The following ZNF791 variants were observed in gnomAD, a reference collection of about 807,000 sequenced individuals.
The protein encoded by ZNF791 is zinc finger protein 791.
In ZNF791, 4 loss-of-function variants were observed where a neutral mutation model predicts 11.5. That is an observed-to-expected ratio of 0.35 (90% confidence interval 0.17 to 0.80). The LOEUF (loss-of-function observed/expected upper bound fraction) is 0.80. Among genes scored for constraint, ZNF791 ranks in the 30% least tolerant of loss-of-function variants. The pLI is 0.53. For missense variants in ZNF791, 559 were observed against 699.4 expected (o/e 0.80, Z 2.26); for synonymous variants, 212 against 228.1 (o/e 0.93, Z 0.64).
chr19:12,622,216 G>A (rs1328560437), intron 1 of ZNF791, among the ~76,000 whole-genome samples: 4 of 137,808 alleles, frequency 2.9e-5, no homozygotes, highest in Non-Finnish European at 4.8e-5. Flanking sequence ...CAAACACTGC[G>A]GAAGGCCGCA....
Position 12,631,849 on chromosome 19 carries a change from G to C in ZNF791, c.*2589G>C, listed in dbSNP as rs1000966271. 1 of 152,154 alleles carries C rather than the reference G, an allele frequency of 6.6e-6. No individual in the cohort carries two copies. The highest frequency in any genetic ancestry group is 1.5e-5 in the Non-Finnish European group (1 of 68,028). 9.4% of individuals were successfully genotyped at this position (152,154 alleles called of 1,614,324 possible). On this transcript the variant is annotated 3_prime_UTR_variant, in exon 4 of 4. Transcript: ENST00000343325. Reference sequence around the variant, plus strand: ...GAAGTCTTGGAAGTGAGATAATTCTGTAAGTACTCTTTAAGCAGTGGTCAA... The same window carrying C: ...GAAGTCTTGGAAGTGAGATAATTCTCTAAGTACTCTTTAAGCAGTGGTCAA...
chr19:12,633,441 C>T lies in ZNF791; in HGVS notation c.*4181C>T, dbSNP rs2023523038. 1.3e-5 allele frequency: 2 copies of T among 152,154 alleles called. No homozygotes were observed. The highest frequency in any genetic ancestry group is 2.9e-5 in the Non-Finnish European group (2 of 68,016). The allele number at this position is 152,154 out of a possible 1,614,324, so 9.4% of individuals were successfully genotyped here. On this transcript the variant is annotated 3_prime_UTR_variant, in exon 4 of 4. Transcript: ENST00000343325. ...ATTTGCCAGGCAGAAGTGAAGAAGA[C>T]ATTAGTCAGGTATTGGAACCCCACC...
intron 3 of ZNF791, among the ~76,000 whole-genome samples, chr19:12,625,741 C>G (rs1420803761): frequency 1.4e-5 from 2 of 144,636 alleles, no homozygotes; most frequent in African/African-American, 5.1e-5. Context: ...GCCCAGATCG[C>G]ACCACTACAC....
At position 12,614,892 on chromosome 19, in the gene ZNF791, C is replaced by CTTTTTTTTTTTTTTTTTTTT. The variant is rs57575424; in HGVS notation, c.3+3826_3+3845dup. On this transcript the variant is annotated intron_variant, in intron 1 of 3. Transcript: ENST00000343325. ...ACAGGTGTGAGCCACTGCGTCCGGC[C>CTTTTTTTTTTTTTTTTTTTT]TTTTTTTTTTTTTTTTTTTTTTTTT... Among the ~76,000 whole-genome samples, 9 of 17,564 alleles carry CTTTTTTTTTTTTTTTTTTTT rather than the reference C, an allele frequency of 5.1e-4. 3 individuals are homozygous for CTTTTTTTTTTTTTTTTTTTT. The highest frequency in any genetic ancestry group is 9.1e-4 in the Non-Finnish European group (7 of 7,720). 11.5% of individuals were successfully genotyped at this position (17,564 alleles called of 152,430 possible). A position where few individuals can be genotyped will look rare whatever the true frequency, so the allele number is the denominator to read the frequency against.
rs1460159050 is a variant in ZNF791, at chr19:12,627,752, A to G, written c.223A>G (p.Lys75Glu). The G allele has an allele frequency of 1.2e-6, 2 of 1,613,904 alleles. No individual in the cohort carries two copies. The highest frequency in any genetic ancestry group is 1.7e-6 in the Non-Finnish European group (2 of 1,179,766). The change falls in exon 4 of 4, where the codon AAA becomes GAA. Residue 75 changes from lysine (K) to glutamate (E), a missense_variant. Lys to Glu is a moderately conservative substitution (Grantham distance 56, BLOSUM62 1). Coordinates refer to ENST00000343325, the MANE Select transcript of ZNF791 (RefSeq NM_153358.3). ...TACGGGAGAGAGACTCTGTGAAGGT[A>G]AAGAAGGTAGTCAATGTGCAGAAAA... ...SHTGERLCEG[K>E]EGSQCAENFS... is the part of the protein sequence containing the mutation.
rs1345873704 is a variant in ZNF791 at position 12,628,785 on chromosome 19, A to G, written c.1256A>G (p.Lys419Arg). The G allele has an allele frequency of 6.2e-7, 1 of 1,614,086 alleles. No homozygotes were observed. The highest frequency in any genetic ancestry group is 1.7e-5 in the Admixed American group (1 of 60,000). The change falls in exon 4 of 4, where the codon AAA becomes AGA. Residue 419 changes from lysine to arginine, a missense_variant. Coordinates refer to ENST00000343325, the MANE Select transcript of ZNF791 (RefSeq NM_153358.3). ...EKPYECKECAKTFISLENFRR... is the reference protein window; with the variant it reads ...EKPYECKECARTFISLENFRR... ...CCCTATGAGTGTAAGGAATGTGCAA[A>G]AACCTTCATTTCTCTTGAGAACTTT...
In ZNF791 at chr19:12,628,766, G is replaced by A; in HGVS notation, c.1237G>A (p.Glu413Lys). The A allele has an allele frequency of 6.2e-7, 1 of 1,612,712 alleles. No individual in the cohort carries two copies. The highest frequency in any genetic ancestry group is 2.2e-5 in the East Asian group (1 of 44,870). Residue 413 changes from glutamate to lysine, a missense_variant, in exon 4 of 4, where the codon GAG becomes AAG. Coordinates refer to ENST00000343325, the MANE Select transcript of ZNF791 (RefSeq NM_153358.3). The stretch of plus-strand genomic sequence containing the variant: ...AAATCACACTGGAGAAAAACCCTAT[G>A]AGTGTAAGGAATGTGCAAAAACCTT... ...KRNHTGEKPY[E>K]CKECAKTFIS... is the part of the protein sequence containing the mutation.
In ZNF791 at chr19:12,628,738, G is replaced by A. The variant is rs768962944; in HGVS notation, c.1209G>A (p.Lys403=). 5 of 1,599,908 alleles carry A rather than the reference G, an allele frequency of 3.1e-6. No homozygotes were observed. In the South Asian group the frequency reaches 3.4e-5, roughly 11 times the overall value. ...ATCCTCTAGATTTGAAAATCCACAA[G>A]AGAAATCACACTGGAGAAAAACCCT... The part of the protein sequence containing the change: ...FNYPLDLKIH[K]RNHTGEKPYE... Residue 403 remains lysine, a synonymous_variant, in exon 4 of 4, where the codon AAG becomes AAA. Coordinates refer to ENST00000343325, the MANE Select transcript of ZNF791 (RefSeq NM_153358.3).
intron 1 of ZNF791, among the ~76,000 whole-genome samples, chr19:12,618,108 G>A (rs887184073): frequency 2.0e-5 from 3 of 151,578 alleles, no homozygotes; most frequent in African/African-American, 7.3e-5. Context: ...AGTAGAGATG[G>A]AGTTTCACCA....
rs763121333 is a variant in ZNF791 at position 12,623,874 on chromosome 19, G to T, written c.130+48G>T. 7 of 948,290 alleles carry T rather than the reference G, an allele frequency of 7.4e-6. No homozygotes were observed. The East Asian group carries it at 9.8e-5, about 13-fold the overall frequency. The allele number at this position is 948,290 out of a possible 1,614,324, so 58.7% of individuals were successfully genotyped here. A position where few individuals can be genotyped will look rare whatever the true frequency, so the allele number is the denominator to read the frequency against. ...TTTTTTCTTTTTTTTTTTTTTTGGGGGGGGACAGAGTTTCACTATTGTCCA... is the reference window on the plus strand; with the variant it reads ...TTTTTTCTTTTTTTTTTTTTTTGGGTGGGGACAGAGTTTCACTATTGTCCA... On this transcript the variant is annotated intron_variant, in intron 2 of 3. Transcript: ENST00000343325.
At chr19:12,615,079 A>T (rs2023226751) in intron 1 of ZNF791, among the ~76,000 whole-genome samples, 1 of 121,208 alleles carries the variant, frequency 8.3e-6, no homozygotes, top group African/African-American at 3.2e-5. Context: ...GAGTGCAGTG[A>T]TGTGATCATT....
At chr19:12,613,382 C>G (rs1388394483) in intron 1 of ZNF791, among the ~76,000 whole-genome samples, 4 of 151,880 alleles carry the variant, frequency 2.6e-5, no homozygotes, top group Non-Finnish European at 4.4e-5. Flanking sequence ...GAGCTCGAGA[C>G]CATCCTGGCT....
At chr19:12,615,659 A>G (rs1303380414) in intron 1 of ZNF791, among the ~76,000 whole-genome samples, 2 of 151,040 alleles carry the variant, frequency 1.3e-5, no homozygotes, top group Non-Finnish European at 2.9e-5. Context: ...CACACCTGTA[A>G]TCTCAGCTAC....
chr19:12,621,408 A>G (rs1170924541), intron 1 of ZNF791, among the ~76,000 whole-genome samples: 2 of 152,148 alleles, frequency 1.3e-5, no homozygotes, highest in African/African-American at 4.8e-5. Context: ...GACAGAAAGT[A>G]AAAGGAAAAA....
chr19:12,612,201 ATTTTC>A, intron 1 of ZNF791: 1 of 784,752 alleles, frequency 1.3e-6, no homozygotes, highest in Non-Finnish European at 1.5e-6. Context: ...TGACATTATT[ATTTTC>A]TTTTTTTTTT....
intron 3 of ZNF791, among the ~76,000 whole-genome samples, chr19:12,626,576 G>A (rs1599327211): frequency 6.6e-6 from 1 of 152,254 alleles, no homozygotes; most frequent in African/African-American, 2.4e-5. Flanking sequence ...GAGCCACCAT[G>A]CCAAGGTGTG....
At chr19:12,626,215 C>T (rs2023426131) in intron 3 of ZNF791, among the ~76,000 whole-genome samples, 1 of 152,138 alleles carries the variant, frequency 6.6e-6, no homozygotes, top group Non-Finnish European at 1.5e-5. Flanking sequence ...TAGGGTTTCA[C>T]TATGTTGGCC....
At position 12,612,535 on chromosome 19, in the gene ZNF791, G is replaced by C. The variant is rs1178710967; in HGVS notation, c.3+1453G>C. On this transcript the variant is annotated intron_variant, in intron 1 of 3. Transcript: ENST00000343325. ...CAGCTCACTGCAACCTCTGCCTCTC[G>C]GGTTCAAGCGATTCTCCTGCCTCAA... 3 of 150,258 alleles carry C rather than the reference G, an allele frequency of 2.0e-5. No homozygotes were observed. In the East Asian group the frequency reaches 5.8e-4, roughly 29 times the overall value. The allele number at this position is 150,258 out of a possible 1,614,324, so 9.3% of individuals were successfully genotyped here.
At position 12,629,578 on chromosome 19, in the gene ZNF791, G is replaced by A. The variant is rs754990999; in HGVS notation, c.*318G>A. On this transcript the variant is annotated 3_prime_UTR_variant, in exon 4 of 4. Coordinates refer to ENST00000343325, the MANE Select transcript of ZNF791 (RefSeq NM_153358.3). The stretch of plus-strand genomic sequence containing the variant: ...CTGGTGTAAACGTGCTGCACTTTCA[G>A]TTGTATAAAAGTACAAGACAGCGGC... 1 of 179,042 alleles carries A rather than the reference G, an allele frequency of 5.6e-6. No individual in the cohort carries two copies. The highest frequency in any genetic ancestry group is 1.2e-5 in the Non-Finnish European group (1 of 85,860). 11.1% of individuals were successfully genotyped at this position (179,042 alleles called of 1,614,324 possible).
Sources: allele counts gnomAD v4.1 joint callset (sites outside exome capture counted in the v4.1 genomes callset), GRCh38; gene constraint gnomAD v4.1.1; transcripts MANE v1.5; gene names NCBI Gene and HGNC (gene_info 2026-07-23, HGNC 2026-07-21).